Variants in PLD1 observed in about 807,000 individuals in gnomAD.
The protein encoded by PLD1 is phospholipase D1, also known as choline phosphatase 1.
A neutral mutation model predicts 137.1 loss-of-function variants in PLD1; 112 were observed. The ratio of observed to expected loss-of-function variants is 0.82; its 90% CI spans 0.70 to 0.96. The LOEUF (loss-of-function observed/expected upper bound fraction) is 0.96, where lower values mean the gene tolerates loss of function less well. PLD1 is among the 40% of genes least tolerant of loss of function. PLD1 has a pLI of 0.00. For missense variants in PLD1, 1,321 were observed against 1,342.0 expected (o/e 0.98, Z 0.24); for synonymous variants, 431 against 454.7 (o/e 0.95, Z 0.66).
chr3:171,691,919 G>A lies in PLD1; in HGVS notation c.1338+413C>T, dbSNP rs112553067. ...TTACTTTATTAGTATTTTATACTAG[G>A]TGCCATTGATTTTTTAAGGCATTTT... On this transcript the variant is annotated intron_variant, in intron 13 of 26. Coordinates refer to ENST00000351298, the MANE Select transcript of PLD1 (RefSeq NM_002662.5). Among the ~76,000 whole-genome samples the A allele has an allele frequency of 8.6e-4, 131 of 152,208 alleles. 1 individual carries two copies. The highest frequency in any genetic ancestry group is 3.1e-3 in the African/African-American group (129 of 41,534).
intron 11 of PLD1, among the ~76,000 whole-genome samples, chr3:171,700,243 G>A (rs1716127314): frequency 6.6e-6 from 1 of 151,610 alleles, no homozygotes; most frequent in Admixed American, 6.6e-5. Context: ...ACACAATCCT[G>A]AACAATGAGA....
chr3:171,708,429 G>T (rs566295990), intron 11 of PLD1, among the ~76,000 whole-genome samples: 4 of 152,240 alleles, frequency 2.6e-5, no homozygotes, highest in African/African-American at 9.6e-5. Context: ...ACCAAAATTA[G>T]AAAAAGACAT....
intron 1 of PLD1, among the ~76,000 whole-genome samples, chr3:171,754,990 GT>G (rs140688055): frequency 6.6e-6 from 1 of 152,190 alleles, no homozygotes; most frequent in East Asian, 1.9e-4. Context: ...CTCACACCCT[GT>G]TCATCCAACT....
chr3:171,741,703 T>G (rs962034315), intron 1 of PLD1, among the ~76,000 whole-genome samples: 7 of 152,232 alleles, frequency 4.6e-5, no homozygotes, highest in African/African-American at 1.7e-4. Context: ...TATTCTCGTT[T>G]TGAATTATAG....
chr3:171,671,903 A>G (rs1712804336), intron 19 of PLD1, among the ~76,000 whole-genome samples: 1 of 146,548 alleles, frequency 6.8e-6, no homozygotes, highest in African/African-American at 2.5e-5. Flanking sequence ...TGCCCAATCG[A>G]AAAAAAAAAA....
intron 19 of PLD1, among the ~76,000 whole-genome samples, chr3:171,674,145 C>G (rs1290616060): frequency 1.3e-5 from 2 of 152,232 alleles, no homozygotes; most frequent in Non-Finnish European, 2.9e-5. Flanking sequence ...TGAACTACAA[C>G]TAGCTTCCTA....
intron 4 of PLD1, 60 bp from the exon 5 acceptor site, chr3:171,735,030 A>C: frequency 1.1e-6 from 1 of 934,278 alleles, no homozygotes; most frequent in Non-Finnish European, 1.7e-6. Context: ...CTATGACTTT[A>C]GTATGTCTTT....
At chr3:171,702,500 G>A (rs1275545008) in intron 11 of PLD1, among the ~76,000 whole-genome samples, 24 of 149,822 alleles carry the variant, frequency 1.6e-4, no homozygotes, top group East Asian at 9.7e-4. Flanking sequence ...AAAAAAAAAA[G>A]GAGTGAAAGA....
chr3:171,674,979 C>CAAAAAAAAA (rs376402019), intron 18 of PLD1, among the ~76,000 whole-genome samples: 11 of 74,970 alleles, frequency 1.5e-4, no homozygotes, highest in African/African-American at 2.3e-4. Context: ...ATCTCCATCT[C>CAAAAAAAAA]AAAAAAAAAA....
chr3:171,706,607 T>C lies in PLD1; in HGVS notation c.1145+2148A>G, dbSNP rs145148214. On this transcript the variant is annotated intron_variant, in intron 11 of 26. Transcript: ENST00000351298. Reference sequence around the variant, plus strand: ...GTATTCTCCTGTTTTATTAATTCTATTTCTGACACATTTAACATACTGACT... The same window carrying C: ...GTATTCTCCTGTTTTATTAATTCTACTTCTGACACATTTAACATACTGACT... Among the ~76,000 whole-genome samples, 4 of 152,300 alleles carry C rather than the reference T, an allele frequency of 2.6e-5. 1 individual carries two copies. The highest frequency in any genetic ancestry group is 9.6e-5 in the African/African-American group (4 of 41,570).
intron 19 of PLD1, among the ~76,000 whole-genome samples, chr3:171,673,091 T>A (rs1229591634): frequency 6.6e-6 from 1 of 152,250 alleles, no homozygotes; most frequent in Non-Finnish European, 1.5e-5. Context: ...ATTTTCCTAA[T>A]AACAAGTTTC....
Position 171,735,616 on chromosome 3 carries a change from T to G in PLD1, c.310A>C (p.Thr104Pro), listed in dbSNP as rs1719299584. The change falls in exon 4 of 27, where the codon ACT (threonine) becomes CCT (proline). Residue 104 changes from threonine (T) to proline (P), a missense_variant. By Grantham distance (38) the Thr-to-Pro change is conservative (BLOSUM62 -1). Transcript: ENST00000351298. ...AATTCCCCATGTGTTAATTCAATAGTGTAAAGATTAATACTTGGTACCTAC... is the reference window on the plus strand; with the variant it reads ...AATTCCCCATGTGTTAATTCAATAGGGTAAAGATTAATACTTGGTACCTAC... ...TTRVPSINLY[T>P]IELTHGEFKW... The G allele has an allele frequency of 6.5e-7, 1 of 1,535,612 alleles. No homozygotes were observed. Among genetic ancestry groups the G allele is most frequent in the Non-Finnish European group, 9.0e-7 (1 of 1,108,640 alleles).
At chr3:171,659,407 GTTCTGATCAC>G in intron 20 of PLD1, 106 bp from the exon 21 acceptor site, 1 of 720,746 alleles carries the variant, frequency 1.4e-6, no homozygotes, top group Non-Finnish European at 2.3e-6. Context: ...CAGCAGATGT[GTTCTGATCAC>G]TGAAATCACA....
chr3:171,764,823 AAGAGAAAGAAAGAAAG>A (rs1560287787), intron 1 of PLD1, among the ~76,000 whole-genome samples: 2 of 22,782 alleles, frequency 8.8e-5, no homozygotes, highest in South Asian at 8.5e-4. Context: ...GAAAGAAAGA[AAGAGAAAGAAAGAAAG>A]AAAGAAAGAA....
At chr3:171,676,682 T>C (rs777589687) in intron 18 of PLD1, 33 bp downstream of exon 18, 3 of 1,522,554 alleles carry the variant, frequency 2.0e-6, no homozygotes, top group Non-Finnish European at 2.7e-6. Flanking sequence ...CCTCTCTTCA[T>C]GTGGATAAAT....
intron 1 of PLD1, among the ~76,000 whole-genome samples, chr3:171,772,590 A>G (rs1370281736): frequency 6.6e-6 from 1 of 152,174 alleles, no homozygotes; most frequent in Admixed American, 6.5e-5. Flanking sequence ...CAGGGAAAAA[A>G]GAAAACGAGC....
chr3:171,730,831 G>T (rs1045469288), intron 6 of PLD1, among the ~76,000 whole-genome samples: 1 of 152,072 alleles, frequency 6.6e-6, no homozygotes, highest in African/African-American at 2.4e-5. Flanking sequence ...TAGAGATGAG[G>T]TTTCACCATG....
At chr3:171,605,883 C>T (rs1377136787) in intron 25 of PLD1, among the ~76,000 whole-genome samples, 2 of 152,192 alleles carry the variant, frequency 1.3e-5, no homozygotes. Flanking sequence ...CCAAGAAGAC[C>T]TGTGCTATTT....
chr3:171,659,077 T>A (rs1297155930), intron 21 of PLD1, 136 bp downstream of exon 21: 3 of 669,354 alleles, frequency 4.5e-6, no homozygotes, highest in Non-Finnish European at 8.1e-6. Flanking sequence ...ACTAAAGGCA[T>A]CAATAACCTA....
Sources: allele counts gnomAD v4.1 joint callset (sites outside exome capture counted in the v4.1 genomes callset), GRCh38; gene constraint gnomAD v4.1.1; transcripts MANE v1.5; gene names NCBI Gene and HGNC (gene_info 2026-07-23, HGNC 2026-07-21).